Variants in DHX36 observed in about 807,000 individuals in gnomAD.
The protein encoded by DHX36 is ATP-dependent DNA/RNA helicase DHX36.
DHX36 carries 50 observed loss-of-function variants against 139.0 expected under a neutral mutation model. The ratio of observed to expected loss-of-function variants is 0.36; its 90% CI spans 0.29 to 0.46. The LOEUF (loss-of-function observed/expected upper bound fraction) is 0.46, where lower values mean the gene tolerates loss of function less well. Among genes scored for constraint, DHX36 ranks in the 20% least tolerant of loss-of-function variants. The pLI is 1.00. For missense variants in DHX36, 1,024 were observed against 1,211.3 expected, an observed-to-expected ratio of 0.85 and a Z score of 2.29; for synonymous variants, 425 against 401.9, an observed-to-expected ratio of 1.06 and a Z score of -0.69.
chr3:154,288,596 T>A (rs1416854572), intron 17 of DHX36, among the ~76,000 whole-genome samples: 2 of 152,146 alleles, frequency 1.3e-5, no homozygotes, highest in Non-Finnish European at 2.9e-5. Context: ...AATTTCAAAT[T>A]TTATGTAATC....
At chr3:154,311,802 T>C (rs947462649) in intron 3 of DHX36, 128 bp from the exon 4 acceptor site, 2 of 605,326 alleles carry the variant, frequency 3.3e-6, no homozygotes, top group Non-Finnish European at 5.4e-6. Flanking sequence ...TCATGGCTTG[T>C]GTAAAAACAT....
At chr3:154,286,796 T>C (rs943233290) in intron 17 of DHX36, among the ~76,000 whole-genome samples, 1 of 152,008 alleles carries the variant, frequency 6.6e-6, no homozygotes, top group Non-Finnish European at 1.5e-5. Context: ...CAAGACACTC[T>C]GTTTTAAAAA....
At chr3:154,293,710 T>G in intron 14 of DHX36, 38 bp downstream of exon 14, 1 of 1,451,146 alleles carries the variant, frequency 6.9e-7, no homozygotes. Flanking sequence ...TTAAAACTTA[T>G]GTAATCATCA....
chr3:154,305,402 G>A (rs111419324), intron 6 of DHX36: 7 of 398,278 alleles, frequency 1.8e-5, no homozygotes, highest in African/African-American at 2.1e-5. Context: ...TAAAAGATAC[G>A]ACCATTCACA....
chr3:154,304,458 C>A (rs1712423921), intron 8 of DHX36, among the ~76,000 whole-genome samples: 1 of 152,200 alleles, frequency 6.6e-6, no homozygotes, highest in Admixed American at 6.5e-5. Context: ...TAAGTGGTCA[C>A]TAGCAGTATT....
intron 1 of DHX36, among the ~76,000 whole-genome samples, chr3:154,318,460 AC>A (rs1713069435): frequency 6.6e-6 from 1 of 152,056 alleles, no homozygotes; most frequent in South Asian, 2.1e-4. Context: ...TACATTGCCC[AC>A]TTCCTGCCCG....
chr3:154,278,805 A>C (rs992899870), intron 22 of DHX36: 8 of 152,110 alleles, frequency 5.3e-5, no homozygotes, highest in African/African-American at 1.9e-4. Context: ...AGAATTCATA[A>C]GACTTGTAAT....
At chr3:154,284,481 T>C in intron 19 of DHX36, 102 bp downstream of exon 19, 2 of 1,093,102 alleles carry the variant, frequency 1.8e-6, no homozygotes, top group Non-Finnish European at 2.6e-6. Flanking sequence ...GCGCCCGGCC[T>C]TATAACAGAG....
At chr3:154,300,435 A>C (rs1202793155) in intron 11 of DHX36, among the ~76,000 whole-genome samples, 159 bp downstream of exon 11, 11 of 152,232 alleles carry the variant, frequency 7.2e-5, no homozygotes. Flanking sequence ...AAACAGGTCA[A>C]ATGCCTAAAT....
intron 4 of DHX36, 107 bp from the exon 5 acceptor site, chr3:154,309,930 T>A: frequency 1.1e-6 from 1 of 882,822 alleles, no homozygotes; most frequent in Non-Finnish European, 1.7e-6. Context: ...ACAAACATAT[T>A]AATGCTTTCT....
At chr3:154,299,283 A>C (rs1301488044) in intron 12 of DHX36, among the ~76,000 whole-genome samples, 1 of 152,232 alleles carries the variant, frequency 6.6e-6, no homozygotes, top group Non-Finnish European at 1.5e-5. Context: ...AAATAAAAAA[A>C]TTATATTCAG....
chr3:154,308,249 GCT>G (rs1712586155), intron 5 of DHX36, among the ~76,000 whole-genome samples: 1 of 152,110 alleles, frequency 6.6e-6, no homozygotes, highest in African/African-American at 2.4e-5. Context: ...GAAGTCTACT[GCT>G]CTTTCTTTAT....
intron 1 of DHX36, among the ~76,000 whole-genome samples, chr3:154,320,405 C>T (rs953549101): frequency 6.6e-6 from 1 of 151,588 alleles, no homozygotes; most frequent in African/African-American, 2.4e-5. Flanking sequence ...TTCCTATGCA[C>T]ATTCAAGTCT....
At chr3:154,300,874 A>C in intron 10 of DHX36, 113 bp downstream of exon 10, 16 of 1,443,916 alleles carry the variant, frequency 1.1e-5, no homozygotes, top group Non-Finnish European at 1.5e-5. Context: ...CTCGAATAAG[A>C]GACTCACAAT....
Position 154,301,145 on chromosome 3 carries a change from T to C in DHX36, c.1218-18A>G, listed in dbSNP as rs1457444326. Reference sequence around the variant, plus strand: ...GAACATACCTAAAATAAAAACATTCTTGAATATCTTCACTTTTTTGAAACT... The same window carrying C: ...GAACATACCTAAAATAAAAACATTCCTGAATATCTTCACTTTTTTGAAACT... On this transcript the variant is annotated intron_variant, in intron 9 of 24. Transcript: ENST00000496811. 2 of 1,565,580 alleles carry C rather than the reference T, an allele frequency of 1.3e-6. No individual in the cohort carries two copies. The highest frequency in any genetic ancestry group is 1.4e-5 in the African/African-American group (1 of 72,148).
chr3:154,276,675 A>G, intron 24 of DHX36, 72 bp downstream of exon 24: 1 of 1,437,006 alleles, frequency 7.0e-7, no homozygotes, highest in Non-Finnish European at 9.7e-7. Flanking sequence ...TCTATTTAAC[A>G]GTTAGAACAA....
At position 154,303,413 on chromosome 3, in the gene DHX36, A is replaced by G. The variant is rs747670996; in HGVS notation, c.1136-3T>C. ...TATATGTATCATTGGACAGTTACCTATTACGGCAGACAAAATATAAGCATA... is the reference window on the plus strand; with the variant it reads ...TATATGTATCATTGGACAGTTACCTGTTACGGCAGACAAAATATAAGCATA... On this transcript the variant is annotated splice_region_variant and splice_polypyrimidine_tract_variant and intron_variant, in intron 8 of 24. Transcript: ENST00000496811. 1.3e-6 allele frequency: 2 copies of G among 1,586,670 alleles called. No homozygotes were observed. Among genetic ancestry groups the G allele is most frequent in the East Asian group, 4.5e-5 (2 of 44,494 alleles).
intron 15 of DHX36, among the ~76,000 whole-genome samples, chr3:154,291,763 T>C (rs1711821315): frequency 2.0e-5 from 3 of 152,226 alleles, no homozygotes; most frequent in Non-Finnish European, 4.4e-5. Context: ...TCTCTCATTC[T>C]ATCTGTAAGA....
At chr3:154,306,597 C>G (rs1712511257) in intron 5 of DHX36, among the ~76,000 whole-genome samples, 1 of 152,094 alleles carries the variant, frequency 6.6e-6, no homozygotes, top group South Asian at 2.1e-4. Context: ...AGTTGTAAAT[C>G]AAGATCTAAA....
Sources: allele counts gnomAD v4.1 joint callset (sites outside exome capture counted in the v4.1 genomes callset), GRCh38; gene constraint gnomAD v4.1.1; transcripts MANE v1.5; gene names NCBI Gene and HGNC (gene_info 2026-07-23, HGNC 2026-07-21).